The following AKAIN1 variants were observed in gnomAD, a reference collection of about 807,000 sequenced individuals.
AKAIN1 encodes A-kinase anchor protein inhibitor 1.
Under a neutral mutation model 3.7 loss-of-function variants are expected in AKAIN1, and 3 were observed. That is an observed-to-expected ratio of 0.82 (90% CI 0.37 to 2.12). The LOEUF (loss-of-function observed/expected upper bound fraction) is 2.12, where lower values mean the gene tolerates loss of function less well. Among genes scored for constraint, AKAIN1 ranks in the 30% most tolerant of loss-of-function variants. The pLI, the probability that AKAIN1 is intolerant of heterozygous loss-of-function variation, is 0.06. For synonymous variants in AKAIN1, 31 were observed against 30.8 expected, an observed-to-expected ratio of 1.01 and a Z score of -0.02; for missense variants, 82 against 82.7, an observed-to-expected ratio of 0.99 and a Z score of 0.03.
intron 1 of AKAIN1, among the ~76,000 whole-genome samples, chr18:5,176,023 C>T (rs900175687): frequency 2.0e-5 from 3 of 152,082 alleles, no homozygotes; most frequent in Non-Finnish European, 4.4e-5. Flanking sequence ...ACTCCTTAGT[C>T]ATGACAAGGG....
chr18:5,194,473 A>G (rs149833791), intron 1 of AKAIN1, among the ~76,000 whole-genome samples: 300 of 152,346 alleles, frequency 2.0e-3, no homozygotes, highest in Non-Finnish European at 3.7e-3. Context: ...TAAATCCTAA[A>G]TAGGGTTAAT....
intron 1 of AKAIN1, among the ~76,000 whole-genome samples, chr18:5,176,312 T>C (rs2071226126): frequency 6.6e-6 from 1 of 152,062 alleles, no homozygotes; most frequent in South Asian, 2.1e-4. Context: ...TAGTGGTACA[T>C]GCCTGTAATT....
intron 1 of AKAIN1, among the ~76,000 whole-genome samples, chr18:5,168,812 G>T (rs541633861): frequency 1.3e-5 from 2 of 150,906 alleles, no homozygotes; most frequent in African/African-American, 4.9e-5. Context: ...AGGGGCATTT[G>T]GATGACATGC....
At chr18:5,177,970 A>G (rs2071235575) in intron 1 of AKAIN1, among the ~76,000 whole-genome samples, 1 of 152,056 alleles carries the variant, frequency 6.6e-6, no homozygotes, top group Non-Finnish European at 1.5e-5. Context: ...GCCCTGTCTT[A>G]TTCCTTCCTC....
intron 1 of AKAIN1, among the ~76,000 whole-genome samples, chr18:5,182,155 T>A (rs2143372124): frequency 6.6e-6 from 1 of 152,304 alleles, no homozygotes; most frequent in Non-Finnish European, 1.5e-5. Context: ...ATCTGCTTTA[T>A]CATCAGCCTA....
Position 5,143,555 on chromosome 18 carries a change from G to A in AKAIN1, c.*2007C>T, listed in dbSNP as rs1248973045. Among the ~76,000 whole-genome samples the A allele has an allele frequency of 6.6e-6, 1 of 152,218 alleles. No homozygotes were observed. Among genetic ancestry groups the A allele is most frequent in the East Asian group, 1.9e-4 (1 of 5,202 alleles). On this transcript the variant is annotated 3_prime_UTR_variant, in exon 2 of 2. Coordinates refer to ENST00000434239, the MANE Select transcript of AKAIN1 (RefSeq NM_001145194.2). ...TCACAGTGAAGGGCCCATTAAGGAA[G>A]CACTTCCCCTGGTCATGATATCTAG...
chr18:5,147,071 G>A (rs575811548), intron 1 of AKAIN1, among the ~76,000 whole-genome samples: 2 of 152,332 alleles, frequency 1.3e-5, no homozygotes, highest in East Asian at 1.9e-4. Flanking sequence ...GAAAAGGGAT[G>A]TAGAAGGGTA....
chr18:5,192,383 A>AATTT (rs199735580), intron 1 of AKAIN1, among the ~76,000 whole-genome samples: 2,032 of 114,180 alleles, frequency 0.018, 63 homozygotes, highest in East Asian at 0.096. Context: ...ACACAGAGCT[A>AATTT]ATTTTCTTTC....
chr18:5,148,622 G>A (rs1427452977), intron 1 of AKAIN1, among the ~76,000 whole-genome samples: 1 of 152,144 alleles, frequency 6.6e-6, no homozygotes, highest in Admixed American at 6.5e-5. Context: ...CTGGGAGGCC[G>A]ACATGGGCGA....
chr18:5,196,129 G>T (rs1329599128), intron 1 of AKAIN1, among the ~76,000 whole-genome samples: 1 of 152,188 alleles, frequency 6.6e-6, no homozygotes, highest in African/African-American at 2.4e-5. Flanking sequence ...AACAAAGCTA[G>T]AGAGTTCTAG....
chr18:5,143,925 C>T lies in AKAIN1; in HGVS notation c.*1637G>A, dbSNP rs545264328. ...TTATTTATTTATTTTATTTGTGGCA[C>T]TCCTGAATAATTTCCCTGAATACCT... On this transcript the variant is annotated 3_prime_UTR_variant, in exon 2 of 2. Transcript: ENST00000434239. Among the ~76,000 whole-genome samples the T allele has an allele frequency of 1.3e-4, 20 of 152,292 alleles. No homozygotes were observed. Among genetic ancestry groups the T allele is most frequent in the African/African-American group, 4.6e-4 (19 of 41,578 alleles).
rs2071246447 is a variant in AKAIN1 at position 5,179,697 on chromosome 18, TA to T, written c.16+17340del. Among the ~76,000 whole-genome samples the T allele has an allele frequency of 2.0e-5, 3 of 152,184 alleles. No homozygotes were observed. The South Asian group carries it at 6.2e-4, about 32-fold the overall frequency. ...CTGTTCTGGTGGTGGCAGTGGTCAT[TA>T]AAAGAAGATAACTTCAAGTAGAAGA... On this transcript the variant is annotated intron_variant, in intron 1 of 1. Transcript: ENST00000434239.
intron 1 of AKAIN1, among the ~76,000 whole-genome samples, chr18:5,192,170 C>A (rs2071322143): frequency 6.6e-6 from 1 of 152,108 alleles, no homozygotes; most frequent in African/African-American, 2.4e-5. Context: ...AATGAAAGGA[C>A]ACACATATAG....
intron 1 of AKAIN1, among the ~76,000 whole-genome samples, chr18:5,193,436 G>A (rs1218358685): frequency 6.6e-6 from 1 of 152,116 alleles, no homozygotes; most frequent in Admixed American, 6.5e-5. Context: ...GTGGGGAATG[G>A]CCCAGGGATA....
At chr18:5,160,582 T>A (rs1177737375) in intron 1 of AKAIN1, among the ~76,000 whole-genome samples, 1 of 152,136 alleles carries the variant, frequency 6.6e-6, no homozygotes, top group Non-Finnish European at 1.5e-5. Context: ...AAATCTGGGT[T>A]TTTTTATTCA....
At chr18:5,155,560 G>A (rs1248240657) in intron 1 of AKAIN1, among the ~76,000 whole-genome samples, 2 of 152,140 alleles carry the variant, frequency 1.3e-5, no homozygotes, top group African/African-American at 4.8e-5. Flanking sequence ...GCAGGCTGTA[G>A]CCCTCTATGA....
At chr18:5,173,951 C>T (rs190674430) in intron 1 of AKAIN1, among the ~76,000 whole-genome samples, 9 of 152,206 alleles carry the variant, frequency 5.9e-5, no homozygotes, top group Admixed American at 4.6e-4. Context: ...CACTCCAGCA[C>T]TCTTTCTGGC....
At chr18:5,158,124 T>C (rs1395067) in intron 1 of AKAIN1, among the ~76,000 whole-genome samples, 7,566 of 152,260 alleles carry the variant, frequency 0.05, 535 homozygotes, top group African/African-American at 0.16. Context: ...AGGGGATGAC[T>C]CCCTTTGTTG....
chr18:5,197,380 G>A (rs1451129232), upstream of AKAIN1: 1 of 1,263,946 alleles, frequency 7.9e-7, no homozygotes, highest in Non-Finnish European at 1.0e-6. This position sits in a 1 kb window ranked among gnomAD's most constrained non-coding sequence, Gnocchi z 6.9. Context: ...GCTTTCACGC[G>A]ACGAAGGTCG....
Sources: gnomAD v4.1 joint callset for allele counts (sites outside exome capture counted in the v4.1 genomes callset) on GRCh38, gnomAD v4.1.1 for gene constraint, Gnocchi (gnomAD v3.1) non-coding constraint, MANE v1.5 for transcripts, NCBI Gene and HGNC (gene_info 2026-07-23, HGNC 2026-07-21) for gene names.